The following PALM2AKAP2 variants were observed in gnomAD, a reference collection of about 807,000 sequenced individuals.
PALM2AKAP2 encodes the protein PALM2-AKAP2 fusion protein.
A neutral mutation model predicts 71.5 loss-of-function variants in PALM2AKAP2; 37 were observed. That is an observed-to-expected ratio of 0.52 (90% CI 0.40 to 0.68). The LOEUF is 0.68. PALM2AKAP2 is among the 30% of genes least tolerant of loss of function. The pLI is 0.00. For synonymous variants in PALM2AKAP2, 468 were observed against 478.8 expected (o/e 0.98, Z 0.29); for missense variants, 1,224 against 1,191.8 (o/e 1.03, Z -0.40).
At chr9:109,690,746 ACT>A (rs1057134190) in intron 1 of PALM2AKAP2, among the ~76,000 whole-genome samples, 1 of 151,812 alleles carries the variant, frequency 6.6e-6, no homozygotes, top group Non-Finnish European at 1.5e-5. Flanking sequence ...AATTATAAAG[ACT>A]CTCTCCCTTT....
At chr9:109,672,661 A>G (rs887183965) in intron 1 of PALM2AKAP2, among the ~76,000 whole-genome samples, 1 of 152,038 alleles carries the variant, frequency 6.6e-6, no homozygotes, top group Non-Finnish European at 1.5e-5. Flanking sequence ...ATTTTTTGGG[A>G]ATAGTTTTAG....
chr9:110,087,305 G>A (rs1178582023), intron 1 of PALM2AKAP2, among the ~76,000 whole-genome samples: 4 of 152,184 alleles, frequency 2.6e-5, no homozygotes, highest in Non-Finnish European at 5.9e-5. Flanking sequence ...TAATGTGTCT[G>A]ATGTGTCGGA....
intron 6 of PALM2AKAP2, among the ~76,000 whole-genome samples, chr9:109,974,653 T>C (rs1832137953): frequency 6.6e-6 from 1 of 152,162 alleles, no homozygotes; most frequent in Admixed American, 6.5e-5. Flanking sequence ...CTGCAATGGT[T>C]TACAAAGTGT....
chr9:109,849,100 TAGAG>T (rs929495754), intron 1 of PALM2AKAP2, among the ~76,000 whole-genome samples: 2 of 151,684 alleles, frequency 1.3e-5, no homozygotes, highest in Middle Eastern at 3.4e-3. Context: ...GGAGAAGGGT[TAGAG>T]AGAAAGAAAG....
intron 1 of PALM2AKAP2, among the ~76,000 whole-genome samples, chr9:109,831,457 C>G (rs945774789): frequency 6.6e-6 from 1 of 152,122 alleles, no homozygotes; most frequent in East Asian, 1.9e-4. Flanking sequence ...ACCACCTGTC[C>G]TGTTGTGTGG....
At chr9:110,159,611 TTA>T (rs201570053) in intron 3 of PALM2AKAP2, among the ~76,000 whole-genome samples, 2,005 of 152,284 alleles carry the variant, frequency 0.013, 14 homozygotes, top group South Asian at 0.022. Flanking sequence ...GTGTGATATG[TTA>T]GACACAATGG....
intron 6 of PALM2AKAP2, chr9:109,943,571 T>G: frequency 8.3e-7 from 1 of 1,211,656 alleles, no homozygotes; most frequent in South Asian, 1.5e-5. Flanking sequence ...TCTCTCATTT[T>G]TTTTCCTTTT....
intron 6 of PALM2AKAP2, among the ~76,000 whole-genome samples, chr9:110,006,579 T>C (rs1832790507): frequency 6.6e-6 from 1 of 151,872 alleles, no homozygotes; most frequent in Non-Finnish European, 1.5e-5. Context: ...CCCAGGCTGG[T>C]CTTGAATTCC....
At chr9:109,849,503 T>C (rs778149452) in intron 1 of PALM2AKAP2, among the ~76,000 whole-genome samples, 1 of 152,104 alleles carries the variant, frequency 6.6e-6, no homozygotes, top group Non-Finnish European at 1.5e-5. Flanking sequence ...ATCCCAGCAC[T>C]TTGGGAGGCG....
intron 1 of PALM2AKAP2, among the ~76,000 whole-genome samples, chr9:110,055,155 A>G (rs1472426398): frequency 6.7e-6 from 1 of 149,254 alleles, no homozygotes; most frequent in Non-Finnish European, 1.5e-5. Flanking sequence ...TCAGAACCAT[A>G]ATCCTAGTTT....
chr9:109,779,158 G>A (rs1829393247), upstream of PALM2AKAP2, among the ~76,000 whole-genome samples: 1 of 152,182 alleles, frequency 6.6e-6, no homozygotes, highest in Admixed American at 6.5e-5. Context: ...ATTTGATGAA[G>A]AAACGTTTGC....
At chr9:109,961,603 G>T (rs561561690) in intron 6 of PALM2AKAP2, among the ~76,000 whole-genome samples, 8 of 152,336 alleles carry the variant, frequency 5.3e-5, no homozygotes, top group South Asian at 4.1e-4. Context: ...TTGGGATGAT[G>T]AACCATATGG....
At chr9:110,006,221 C>CT in intron 6 of PALM2AKAP2, among the ~76,000 whole-genome samples, 1 of 150,718 alleles carries the variant, frequency 6.6e-6, no homozygotes, top group Admixed American at 6.6e-5. Context: ...TCTTCTCTTT[C>CT]CTCTTTCTCT....
At chr9:110,043,376 C>T (rs1004020628) in intron 7 of PALM2AKAP2, among the ~76,000 whole-genome samples, 9 of 152,202 alleles carry the variant, frequency 5.9e-5, no homozygotes, top group Non-Finnish European at 2.9e-5. Context: ...GGTCTTTCAT[C>T]CAATTTGAGA....
intron 3 of PALM2AKAP2, among the ~76,000 whole-genome samples, chr9:109,913,994 G>T (rs1469083202): frequency 6.6e-6 from 1 of 152,098 alleles, no homozygotes; most frequent in African/African-American, 2.4e-5. Context: ...CTGACCTCGT[G>T]ATCCACCCAC....
intron 1 of PALM2AKAP2, among the ~76,000 whole-genome samples, chr9:109,697,447 T>G (rs1682183127): frequency 6.6e-6 from 1 of 152,196 alleles, no homozygotes; most frequent in Non-Finnish European, 1.5e-5. Flanking sequence ...ACTATATACT[T>G]TTTCTACCTT....
intron 1 of PALM2AKAP2, among the ~76,000 whole-genome samples, chr9:109,649,532 G>T (rs1184392326): frequency 6.6e-6 from 1 of 152,080 alleles, no homozygotes; most frequent in Admixed American, 6.5e-5. Flanking sequence ...CAATTTTTTT[G>T]AATGTATGGA....
chr9:109,809,918 G>A (rs974279480), intron 1 of PALM2AKAP2, among the ~76,000 whole-genome samples: 1 of 152,172 alleles, frequency 6.6e-6, no homozygotes. Context: ...GGACATGTTT[G>A]CTTCCCCTTC....
rs536043648 is a variant in PALM2AKAP2, at chr9:110,090,544, G to A, written c.156+41689G>A. ...AGGGACATTGCATTTATGAACTCAA[G>A]GCATTGAGTCACCCAGAGAGAAAAA... On this transcript the variant is annotated intron_variant, in intron 1 of 3. Transcript: ENST00000374525. The A allele has an allele frequency of 1.2e-3, 484 of 409,378 alleles. 5 individuals carry two copies. The highest frequency in any genetic ancestry group is 5.7e-3 in the Middle Eastern group (16 of 2,828). 25.4% of individuals were successfully genotyped at this position (409,378 alleles called of 1,614,324 possible). A position where few individuals can be genotyped will look rare whatever the true frequency, so the allele number is the denominator to read the frequency against.
Sources: gnomAD v4.1 joint callset for allele counts (sites outside exome capture counted in the v4.1 genomes callset) on GRCh38, gnomAD v4.1.1 for gene constraint, MANE v1.5 for transcripts, NCBI Gene and HGNC (gene_info 2026-07-23, HGNC 2026-07-21) for gene names.